Variants in RAB31 observed in about 807,000 individuals in gnomAD.
The protein encoded by RAB31 is RAB31, member RAS oncogene family, also known as ras-related protein Rab-31.
RAB31 carries 21 observed loss-of-function variants against 25.6 expected under a neutral mutation model. That is an observed-to-expected ratio of 0.82 (90% CI 0.58 to 1.18). The LOEUF is 1.18. RAB31 is among the 50% of genes most tolerant of loss of function. The pLI is 0.00. For missense variants in RAB31, 196 were observed against 250.1 expected, an observed-to-expected ratio of 0.78 and a Z score of 1.46; for synonymous variants, 87 against 84.0, an observed-to-expected ratio of 1.04 and a Z score of -0.20.
intron 6 of RAB31, among the ~76,000 whole-genome samples, chr18:9,858,873 C>A (rs902468221): frequency 3.3e-5 from 5 of 152,170 alleles, no homozygotes; most frequent in Non-Finnish European, 5.9e-5. Flanking sequence ...CAGGATGGGT[C>A]TCTGGGAAGG....
intron 1 of RAB31, among the ~76,000 whole-genome samples, chr18:9,731,263 C>A (rs2068121528): frequency 6.6e-6 from 1 of 152,158 alleles, no homozygotes; most frequent in South Asian, 2.1e-4. Context: ...ATTTTTGGGG[C>A]AGTTTAACCA....
chr18:9,732,102 C>G (rs2068125835), intron 1 of RAB31, among the ~76,000 whole-genome samples: 1 of 152,226 alleles, frequency 6.6e-6, no homozygotes, highest in African/African-American at 2.4e-5. Flanking sequence ...CCGTCTCCCT[C>G]AGCTCTGCCA....
chr18:9,734,105 AGGGAG>A (rs1445676193), intron 1 of RAB31, among the ~76,000 whole-genome samples: 5 of 46,758 alleles, frequency 1.1e-4, no homozygotes, highest in Non-Finnish European at 2.6e-4. Context: ...GGCGGGGAGG[AGGGAG>A]GGAGGGAGGG....
intron 3 of RAB31, among the ~76,000 whole-genome samples, chr18:9,798,999 G>A (rs776935694): frequency 1.3e-5 from 2 of 152,110 alleles, no homozygotes; most frequent in Non-Finnish European, 2.9e-5. Context: ...TGAGAGAATC[G>A]CTTGAACCCA....
At chr18:9,711,155 C>T (rs1187051647) in intron 1 of RAB31, among the ~76,000 whole-genome samples, 1 of 151,252 alleles carries the variant, frequency 6.6e-6, no homozygotes, top group Admixed American at 6.6e-5. Flanking sequence ...ATTTGACTGT[C>T]TTCGGTTTAC....
chr18:9,809,393 G>T (rs62081235), intron 3 of RAB31, among the ~76,000 whole-genome samples: 21,984 of 152,194 alleles, frequency 0.14, 1,802 homozygotes, highest in Non-Finnish European at 0.19. Flanking sequence ...TTTTAAAAAT[G>T]AATGGGAATT....
chr18:9,781,014 T>C (rs908178290), intron 2 of RAB31, among the ~76,000 whole-genome samples: 3 of 152,166 alleles, frequency 2.0e-5, no homozygotes, highest in African/African-American at 7.2e-5. Context: ...TAGATACCCA[T>C]GTATACTGCT....
intron 5 of RAB31, among the ~76,000 whole-genome samples, chr18:9,816,625 G>C (rs977589279): frequency 4.6e-5 from 7 of 152,204 alleles, no homozygotes; most frequent in Non-Finnish European, 7.3e-5. Flanking sequence ...ACTTTCCCCA[G>C]TGGTATTGGG....
rs967570189 is a variant in RAB31, at chr18:9,724,684, G to T, written c.39+16240G>T. On this transcript the variant is annotated intron_variant, in intron 1 of 6. Coordinates refer to ENST00000578921, the MANE Select transcript of RAB31 (RefSeq NM_006868.4). ...GAATGCACGCCTTTCTTTTAAGGAA[G>T]CGCTTCAGAATGCCTTTGATTAAGA... Among the ~76,000 whole-genome samples the T allele has an allele frequency of 2.6e-5, 4 of 152,200 alleles. No homozygotes were observed. In the East Asian group the frequency reaches 7.7e-4, roughly 29 times the overall value.
At chr18:9,846,177 G>C (rs1396030714) in intron 6 of RAB31, among the ~76,000 whole-genome samples, 1 of 152,156 alleles carries the variant, frequency 6.6e-6, no homozygotes, top group African/African-American at 2.4e-5. Flanking sequence ...GGCGTGTACA[G>C]GTACCCCATG....
intron 1 of RAB31, among the ~76,000 whole-genome samples, chr18:9,741,784 T>C (rs1455585): frequency 0.94 from 143,218 of 152,304 alleles, 67,423 homozygotes; most frequent in African/African-American, 0.97. Context: ...GGCCTGCCAT[T>C]GAGGGTGGAG....
At chr18:9,791,678 C>G (rs529320592) in intron 2 of RAB31, among the ~76,000 whole-genome samples, 4 of 152,192 alleles carry the variant, frequency 2.6e-5, no homozygotes, top group African/African-American at 9.7e-5. Context: ...ACTGCAACCT[C>G]TGCCTCCTGG....
intron 2 of RAB31, among the ~76,000 whole-genome samples, chr18:9,782,333 CTCACA>C (rs2068409551): frequency 6.6e-6 from 1 of 152,226 alleles, no homozygotes; most frequent in African/African-American, 2.4e-5. Context: ...CCACTCATGG[CTCACA>C]CCAGTGAGTC....
intron 1 of RAB31, among the ~76,000 whole-genome samples, chr18:9,741,486 G>A (rs1457935115): frequency 2.0e-5 from 3 of 152,006 alleles, no homozygotes; most frequent in Non-Finnish European, 4.4e-5. Flanking sequence ...ATACCACCGT[G>A]GATGGATCAC....
chr18:9,748,474 C>T (rs944879145), intron 1 of RAB31, among the ~76,000 whole-genome samples: 2 of 152,032 alleles, frequency 1.3e-5, no homozygotes, highest in Non-Finnish European at 2.9e-5. Flanking sequence ...CCACTGCACT[C>T]CAGCCTAGGT....
intron 1 of RAB31, among the ~76,000 whole-genome samples, chr18:9,718,261 TTTTG>T (rs1293542155): frequency 6.6e-6 from 1 of 152,068 alleles, no homozygotes; most frequent in Non-Finnish European, 1.5e-5. Flanking sequence ...TTCTGAATTT[TTTTG>T]TTTGTTTGTT....
intron 1 of RAB31, among the ~76,000 whole-genome samples, chr18:9,713,341 A>G (rs1395649494): frequency 6.6e-6 from 1 of 152,222 alleles, no homozygotes; most frequent in Non-Finnish European, 1.5e-5. Flanking sequence ...GGCTAGCCAC[A>G]GCATTTATTT....
chr18:9,773,703 A>G lies in RAB31; in HGVS notation c.40-1575A>G, dbSNP rs137907067. Among the ~76,000 whole-genome samples, 311 of 152,316 alleles carry G rather than the reference A, an allele frequency of 2.0e-3. 1 individual carries two copies. The highest frequency in any genetic ancestry group is 7.1e-3 in the African/African-American group (296 of 41,570). ...GAGACAGAATCTCACTCTGTCACCC[A>G]GGCTGAGTGCAGTGGCACAATCATA... On this transcript the variant is annotated intron_variant, in intron 1 of 6. Coordinates refer to ENST00000578921, the MANE Select transcript of RAB31 (RefSeq NM_006868.4).
At chr18:9,827,898 T>C (rs62081240) in intron 5 of RAB31, among the ~76,000 whole-genome samples, 29,305 of 152,118 alleles carry the variant, frequency 0.19, 3,510 homozygotes, top group Non-Finnish European at 0.28. Context: ...GGGAAGTATC[T>C]GATGAGCAAT....
Sources: allele counts gnomAD v4.1 joint callset (sites outside exome capture counted in the v4.1 genomes callset), GRCh38; gene constraint gnomAD v4.1.1; transcripts MANE v1.5; gene names NCBI Gene and HGNC (gene_info 2026-07-23, HGNC 2026-07-21).